Variants in SLIT3 observed in about 807,000 individuals in gnomAD.
SLIT3 encodes the protein slit homolog 3 protein.
Under a neutral mutation model 184.0 loss-of-function variants are expected in SLIT3, and 68 were observed. The ratio of observed to expected loss-of-function variants is 0.37; its 90% CI spans 0.30 to 0.45. SLIT3 has a LOEUF of 0.45. Among genes scored for constraint, SLIT3 ranks in the 20% least tolerant of loss-of-function variants. The pLI is 1.00. For synonymous variants in SLIT3, 831 were observed against 828.6 expected, an observed-to-expected ratio of 1.00 and a Z score of -0.05; for missense variants, 1,707 against 2,026.0, an observed-to-expected ratio of 0.84 and a Z score of 3.02.
chr5:168,770,541 G>T (rs1040350477), intron 14 of SLIT3, among the ~76,000 whole-genome samples: 2 of 152,116 alleles, frequency 1.3e-5, no homozygotes, highest in African/African-American at 4.8e-5. Context: ...TTGGAGCTCA[G>T]CAGTCATGCT....
chr5:168,998,749 T>C (rs990887130), intron 4 of SLIT3, among the ~76,000 whole-genome samples: 2 of 140,048 alleles, frequency 1.4e-5, no homozygotes, highest in Non-Finnish European at 3.2e-5. Flanking sequence ...AAAAGGCCAT[T>C]GAACAGGGTG....
intron 4 of SLIT3, among the ~76,000 whole-genome samples, chr5:169,139,181 G>A (rs1761634383): frequency 6.6e-6 from 1 of 152,204 alleles, no homozygotes; most frequent in African/African-American, 2.4e-5. Context: ...AAGCCCTAAA[G>A]TTGAAGGAAG....
intron 4 of SLIT3, among the ~76,000 whole-genome samples, chr5:169,067,621 A>C (rs1758404893): frequency 6.6e-6 from 1 of 152,188 alleles, no homozygotes; most frequent in African/African-American, 2.4e-5. Flanking sequence ...CTACTTGGGC[A>C]TCCTGACTTA....
intron 4 of SLIT3, among the ~76,000 whole-genome samples, chr5:169,078,945 C>A (rs553352318): frequency 1.3e-5 from 2 of 152,268 alleles, no homozygotes; most frequent in South Asian, 4.1e-4. Context: ...TGCCATAGTT[C>A]AAACTCAAAA....
rs148978761 is a variant in SLIT3 at position 169,001,767 on chromosome 5, C to G, written c.414-118431G>C. Among the ~76,000 whole-genome samples the G allele has an allele frequency of 1.3e-3, 195 of 152,264 alleles. 1 individual carries two copies. Among genetic ancestry groups the G allele is most frequent in the African/African-American group, 4.5e-3 (189 of 41,568 alleles). On this transcript the variant is annotated intron_variant, in intron 4 of 35. Coordinates refer to ENST00000519560, the MANE Select transcript of SLIT3 (RefSeq NM_003062.4). ...ATCCCATTTTTGTCAACAATTTAAA[C>G]AAGCCAAAAGAAAAGTTTTAGACTC...
intron 34 of SLIT3, 54 bp from the exon 35 acceptor site, chr5:168,670,045 G>C (rs1419535050): frequency 6.6e-7 from 1 of 1,518,316 alleles, no homozygotes; most frequent in African/African-American, 1.4e-5. Flanking sequence ...GGTGCTGCTG[G>C]GGACTCCCTC....
rs112611140 is a variant in SLIT3, at chr5:168,707,954, G to C, written c.2844+22C>G. Reference sequence around the variant, plus strand: ...GGAGGAGCCTGAGGCATGAACACGGGGGGGCAGGGCCTCCAGCATACCTTG... The same window carrying C: ...GGAGGAGCCTGAGGCATGAACACGGCGGGGCAGGGCCTCCAGCATACCTTG... On this transcript the variant is annotated intron_variant, in intron 26 of 35. Transcript: ENST00000519560. The C allele has an allele frequency of 2.7e-3, 4,320 of 1,613,844 alleles. 17 individuals carry two copies. The highest frequency in any genetic ancestry group is 9.0e-3 in the South Asian group (815 of 91,058).
chr5:169,140,480 CAAAAAAAAAAAAAA>C lies in SLIT3; in HGVS notation c.413+52985_413+52998del, dbSNP rs34881862. ...GGGCAACAAGAGTGAAACTCTAACTCAAAAAAAAAAAAAAAAAAAAAAAAAAAAAGACGCAGGCG... is the reference window on the plus strand; with the variant it reads ...GGGCAACAAGAGTGAAACTCTAACTCAAAAAAAAAAAAAAAGACGCAGGCG... On this transcript the variant is annotated intron_variant, in intron 4 of 35. Transcript: ENST00000519560. 1.4e-3 allele frequency among the ~76,000 whole-genome samples: 64 copies of C among 46,924 alleles called. 2 individuals are homozygous for C. Among genetic ancestry groups the C allele is most frequent in the Non-Finnish European group, 4.9e-4 (10 of 20,328 alleles). The allele number at this position is 46,924 out of a possible 152,430, so 30.8% of individuals were successfully genotyped here.
chr5:169,240,275 T>A (rs1230126829), intron 3 of SLIT3, among the ~76,000 whole-genome samples: 1 of 151,950 alleles, frequency 6.6e-6, no homozygotes, highest in African/African-American at 2.4e-5. Context: ...ATATTGTTAT[T>A]TAATATTCTA....
intron 3 of SLIT3, among the ~76,000 whole-genome samples, chr5:169,220,661 T>A (rs1764589982): frequency 1.3e-5 from 2 of 152,248 alleles, no homozygotes; most frequent in Non-Finnish European, 2.9e-5. Context: ...ATCTTTTATA[T>A]TATCTTCTAA....
At chr5:169,200,579 C>T (rs1260365624) in intron 3 of SLIT3, among the ~76,000 whole-genome samples, 1 of 152,164 alleles carries the variant, frequency 6.6e-6, no homozygotes, top group East Asian at 1.9e-4. Context: ...AAGGGCAGAA[C>T]CAAACTTCAC....
intron 9 of SLIT3, among the ~76,000 whole-genome samples, chr5:168,806,113 C>T (rs1469622198): frequency 2.6e-5 from 4 of 152,204 alleles, no homozygotes; most frequent in Admixed American, 2.6e-4. Flanking sequence ...ATGCAGTCTT[C>T]TGTGACAGCT....
At chr5:168,969,599 G>A (rs566022507) in intron 4 of SLIT3, among the ~76,000 whole-genome samples, 4 of 152,314 alleles carry the variant, frequency 2.6e-5, no homozygotes, top group South Asian at 2.1e-4. Flanking sequence ...AAAAGCAACC[G>A]GATGGGGCTG....
intron 4 of SLIT3, among the ~76,000 whole-genome samples, chr5:168,900,693 AAG>A (rs1760836249): frequency 6.6e-6 from 1 of 152,240 alleles, no homozygotes; most frequent in African/African-American, 2.4e-5. Context: ...CACAATAGTA[AAG>A]ATATGGAATC....
At position 169,212,480 on chromosome 5, in the gene SLIT3, C is replaced by G. The variant is rs1359742520; in HGVS notation, c.342-18930G>C. On this transcript the variant is annotated intron_variant, in intron 3 of 35. Transcript: ENST00000519560. ...TTGTTGGGGTTGTATGTTTTTTTTT[C>G]TTGTAAATTTAAGTTCTTTGTAGAT... Among the ~76,000 whole-genome samples the G allele has an allele frequency of 4.0e-5, 6 of 150,752 alleles. No homozygotes were observed. The Middle Eastern group carries it at 0.01, about 260-fold the overall frequency.
chr5:168,728,106 G>T (rs1369919815), intron 20 of SLIT3, among the ~76,000 whole-genome samples: 4 of 151,898 alleles, frequency 2.6e-5, no homozygotes, highest in Admixed American at 1.3e-4. Context: ...GGCTCAGTTT[G>T]CATGTAAATC....
At chr5:168,675,912 C>G (rs536203726) in intron 32 of SLIT3, among the ~76,000 whole-genome samples, 1 of 152,166 alleles carries the variant, frequency 6.6e-6, no homozygotes, top group Non-Finnish European at 1.5e-5. Flanking sequence ...CCCACTCATT[C>G]ATCCAACTAT....
chr5:168,669,741 C>G (rs1317646813), intron 35 of SLIT3, 42 bp downstream of exon 35: 1 of 1,535,236 alleles, frequency 6.5e-7, no homozygotes, highest in African/African-American at 1.4e-5. Context: ...AAGTCCAACT[C>G]TGACCCCCAC....
intron 3 of SLIT3, 90 bp downstream of exon 3, chr5:169,244,615 T>C: frequency 1.7e-6 from 2 of 1,153,284 alleles, no homozygotes; most frequent in Non-Finnish European, 2.5e-6. Context: ...AACAAGGTTA[T>C]AAGGCCAATT....
Sources: gnomAD v4.1 joint callset for allele counts (sites outside exome capture counted in the v4.1 genomes callset) on GRCh38, gnomAD v4.1.1 for gene constraint, MANE v1.5 for transcripts, NCBI Gene and HGNC (gene_info 2026-07-23, HGNC 2026-07-21) for gene names.